Variants in PPIL6 observed in about 807,000 individuals in gnomAD.
PPIL6 encodes peptidylprolyl isomerase like 6.
In PPIL6, 39 loss-of-function variants were observed where a neutral mutation model predicts 36.8. That is an observed-to-expected ratio of 1.06 (90% confidence interval 0.82 to 1.38). The LOEUF (loss-of-function observed/expected upper bound fraction) is 1.38, where lower values mean the gene tolerates loss of function less well. PPIL6 is among the 40% of genes most tolerant of loss of function. The pLI, the probability that PPIL6 is intolerant of heterozygous loss-of-function variation, is 0.00. For missense variants in PPIL6, 368 were observed against 379.1 expected (o/e 0.97, Z 0.24); for synonymous variants, 123 against 134.1 (o/e 0.92, Z 0.57).
intron 5 of PPIL6, among the ~76,000 whole-genome samples, chr6:109,421,257 C>A (rs9885646): frequency 6.6e-6 from 1 of 152,090 alleles, no homozygotes; most frequent in Non-Finnish European, 1.5e-5. Flanking sequence ...GCCATATCCA[C>A]CCTCTTGAAT....
chr6:109,415,156 A>T (rs1202295523), intron 6 of PPIL6, among the ~76,000 whole-genome samples: 2 of 152,174 alleles, frequency 1.3e-5, no homozygotes, highest in Non-Finnish European at 2.9e-5. Context: ...AGGTGGTCAC[A>T]CTCAGTGTTA....
At chr6:109,439,591 C>A (rs775508902) in intron 1 of PPIL6, among the ~76,000 whole-genome samples, 46 of 152,134 alleles carry the variant, frequency 3.0e-4, no homozygotes, top group Non-Finnish European at 6.0e-4. Flanking sequence ...TCCGCCTCTG[C>A]CTCCCAAAGT....
At chr6:109,420,409 A>T in intron 5 of PPIL6, among the ~76,000 whole-genome samples, 1 of 151,684 alleles carries the variant, frequency 6.6e-6, no homozygotes, top group East Asian at 1.9e-4. Flanking sequence ...CATGTTCAAA[A>T]TTTCATATCC....
rs1554221789 is a variant in PPIL6, at chr6:109,431,358, A to G, written c.232-13T>C. 2.9e-6 allele frequency: 4 copies of G among 1,372,988 alleles called. No homozygotes were observed. Among genetic ancestry groups the G allele is most frequent in the Non-Finnish European group, 3.9e-6 (4 of 1,016,600 alleles). The allele number at this position is 1,372,988 out of a possible 1,614,324, so 85.1% of individuals were successfully genotyped here. A position where few individuals can be genotyped will look rare whatever the true frequency, so the allele number is the denominator to read the frequency against. On this transcript the variant is annotated splice_polypyrimidine_tract_variant and intron_variant, in intron 2 of 7. Transcript: ENST00000521072. Reference sequence around the variant, plus strand: ...CATTTTTGAGTTCCTGTAAGGGAAAAGGACAAAAAAAAAAAAAAACGTAAG... The same window carrying G: ...CATTTTTGAGTTCCTGTAAGGGAAAGGGACAAAAAAAAAAAAAAACGTAAG...
Position 109,431,354 on chromosome 6 carries a change from G to C in PPIL6, c.232-9C>G. On this transcript the variant is annotated splice_polypyrimidine_tract_variant and intron_variant, in intron 2 of 7. Transcript: ENST00000521072. ...GTTTCATTTTTGAGTTCCTGTAAGG[G>C]AAAAGGACAAAAAAAAAAAAAAACG... 1 of 1,001,518 alleles carries C rather than the reference G, an allele frequency of 1.0e-6. No individual in the cohort carries two copies. Among genetic ancestry groups the C allele is most frequent in the Non-Finnish European group, 1.3e-6 (1 of 767,082 alleles). 62.0% of individuals were successfully genotyped at this position (1,001,518 alleles called of 1,614,324 possible). A position where few individuals can be genotyped will look rare whatever the true frequency, so the allele number is the denominator to read the frequency against.
chr6:109,427,240 C>A, intron 3 of PPIL6, 84 bp from the exon 4 acceptor site: 1 of 842,034 alleles, frequency 1.2e-6, no homozygotes. Context: ...ACAGCAGATA[C>A]AATATTTTTA....
chr6:109,427,378 GTATT>G lies in PPIL6; in HGVS notation c.421-226_421-223del, dbSNP rs891539188. On this transcript the variant is annotated intron_variant, in intron 3 of 7. Coordinates refer to ENST00000521072, the MANE Select transcript of PPIL6 (RefSeq NM_173672.5). Reference sequence around the variant, plus strand: ...TTTACACATTTTAATTTTTATTATTGTATTTATTTATTTATTTATTTTTGAGACA... The same window carrying G: ...TTTACACATTTTAATTTTTATTATTGTATTTATTTATTTATTTTTGAGACA... 5.3e-5 allele frequency among the ~76,000 whole-genome samples: 8 copies of G among 151,798 alleles called. No homozygotes were observed. The East Asian group carries it at 5.8e-4, about 11-fold the overall frequency.
rs1209787462 is a variant in PPIL6, at chr6:109,396,633, T to C, written c.824+3402A>G. ...CCTCAGCTCACCTTCTCATGAAACT[T>C]TCCATGACCCCCTCCCACCTTACAA... On this transcript the variant is annotated intron_variant, in intron 7 of 7. Coordinates refer to ENST00000521072, the MANE Select transcript of PPIL6 (RefSeq NM_173672.5). Among the ~76,000 whole-genome samples, 6 of 152,242 alleles carry C rather than the reference T, an allele frequency of 3.9e-5. No individual in the cohort carries two copies. The East Asian group carries it at 1.2e-3, about 29-fold the overall frequency.
chr6:109,431,068 T>TC, intron 3 of PPIL6, 89 bp downstream of exon 3: 2 of 916,066 alleles, frequency 2.2e-6, no homozygotes, highest in Non-Finnish European at 3.3e-6. Flanking sequence ...TTTTATAATC[T>TC]CCTTCATTAG....
intron 5 of PPIL6, among the ~76,000 whole-genome samples, chr6:109,421,213 C>T (rs952755868): frequency 6.6e-6 from 1 of 152,212 alleles, no homozygotes; most frequent in Non-Finnish European, 1.5e-5. Flanking sequence ...TATATTGACA[C>T]CATTTCAATC....
intron 3 of PPIL6, among the ~76,000 whole-genome samples, chr6:109,430,647 G>C (rs80288277): frequency 6.6e-6 from 1 of 152,130 alleles, no homozygotes; most frequent in African/African-American, 2.4e-5. Context: ...GGATGGTCTC[G>C]ATCTCTTGAC....
intron 7 of PPIL6, among the ~76,000 whole-genome samples, chr6:109,398,801 A>T (rs968239349): frequency 2.0e-5 from 3 of 152,236 alleles, no homozygotes; most frequent in African/African-American, 7.2e-5. Context: ...TTAGTATATT[A>T]TTAAGCACTG....
At chr6:109,402,268 C>T (rs1772583996) in intron 6 of PPIL6, among the ~76,000 whole-genome samples, 1 of 151,698 alleles carries the variant, frequency 6.6e-6, no homozygotes, top group Admixed American at 6.6e-5. Context: ...AGGCACAGTG[C>T]CTCATGCCTG....
At chr6:109,430,211 A>C (rs2115274814) in intron 3 of PPIL6, among the ~76,000 whole-genome samples, 1 of 152,352 alleles carries the variant, frequency 6.6e-6, no homozygotes, top group South Asian at 2.1e-4. Flanking sequence ...CACTGTAGGC[A>C]CAGGCCGCCA....
intron 2 of PPIL6, among the ~76,000 whole-genome samples, chr6:109,433,083 G>A (rs1426510898): frequency 6.7e-6 from 1 of 149,066 alleles, no homozygotes; most frequent in Non-Finnish European, 1.5e-5. Context: ...TTGAGACCGA[G>A]TCTTGCTCTG....
At chr6:109,393,909 C>G (rs1772194469) in intron 7 of PPIL6, among the ~76,000 whole-genome samples, 1 of 152,186 alleles carries the variant, frequency 6.6e-6, no homozygotes, top group African/African-American at 2.4e-5. Flanking sequence ...AGAGAAGTTC[C>G]CAGGGTTGAA....
chr6:109,436,036 A>G, intron 2 of PPIL6, 68 bp downstream of exon 2: 1 of 829,518 alleles, frequency 1.2e-6, no homozygotes, highest in South Asian at 1.4e-5. Context: ...TTTCCAAAAC[A>G]ATGCATAAAT....
chr6:109,406,267 GT>G (rs1411011488), intron 6 of PPIL6, among the ~76,000 whole-genome samples: 4 of 151,304 alleles, frequency 2.6e-5, no homozygotes, highest in Non-Finnish European at 5.9e-5. Context: ...ACCCTGGCTG[GT>G]TTTGAACTCC....
At chr6:109,420,474 T>C (rs979151294) in intron 5 of PPIL6, among the ~76,000 whole-genome samples, 3 of 152,080 alleles carry the variant, frequency 2.0e-5, no homozygotes, top group Non-Finnish European at 4.4e-5. Context: ...TTTCCTATAA[T>C]GTAACAAGGT....
Sources: allele counts gnomAD v4.1 joint callset (sites outside exome capture counted in the v4.1 genomes callset), GRCh38; gene constraint gnomAD v4.1.1; transcripts MANE v1.5; gene names NCBI Gene and HGNC (gene_info 2026-07-23, HGNC 2026-07-21).